Variants in FNDC7 observed in about 807,000 individuals in gnomAD.
FNDC7 encodes fibronectin type III domain containing 7, also known as fibronectin type III domain-containing protein 7.
Under a neutral mutation model 74.2 loss-of-function variants are expected in FNDC7, and 66 were observed. That is an observed-to-expected ratio of 0.89 (90% CI 0.73 to 1.09). The LOEUF (loss-of-function observed/expected upper bound fraction) is 1.09, where lower values mean the gene tolerates loss of function less well. FNDC7 is among the 50% of genes least tolerant of loss of function. FNDC7 has a pLI of 0.00. For synonymous variants in FNDC7, 307 were observed against 330.2 expected, an observed-to-expected ratio of 0.93 and a Z score of 0.76; for missense variants, 829 against 893.4, an observed-to-expected ratio of 0.93 and a Z score of 0.92.
chr1:108,727,043 C>T (rs115344109), intron 6 of FNDC7, among the ~76,000 whole-genome samples: 10 of 152,152 alleles, frequency 6.6e-5, no homozygotes, highest in African/African-American at 1.7e-4. Context: ...TACCTATATA[C>T]GGCCGGGCAC....
chr1:108,722,728 G>C, intron 5 of FNDC7, 136 bp downstream of exon 5: 2 of 1,014,332 alleles, frequency 2.0e-6, no homozygotes. Context: ...CATAGAGTTG[G>C]ACATTCTCAT....
At chr1:108,731,010 A>C in intron 9 of FNDC7, 82 bp downstream of exon 9, 1 of 1,407,198 alleles carries the variant, frequency 7.1e-7, no homozygotes. Context: ...CTCATTTAAA[A>C]AGATGCTGCA....
intron 4 of FNDC7, among the ~76,000 whole-genome samples, chr1:108,719,755 AG>A (rs1661057216): frequency 6.7e-6 from 1 of 149,178 alleles, no homozygotes; most frequent in Non-Finnish European, 1.5e-5. Flanking sequence ...TGAGAGAGAG[AG>A]AGAGAGAGAG....
intron 5 of FNDC7, among the ~76,000 whole-genome samples, chr1:108,724,989 G>A (rs925799102): frequency 2.6e-5 from 4 of 151,836 alleles, no homozygotes; most frequent in Non-Finnish European, 5.9e-5. Context: ...GTTGAGGCAA[G>A]GGAATCACTT....
chr1:108,733,395 T>C lies in FNDC7; in HGVS notation c.2003T>C (p.Phe668Ser). The C allele has an allele frequency of 1.2e-6, 2 of 1,614,206 alleles. No individual in the cohort carries two copies. Among genetic ancestry groups the C allele is most frequent in the Non-Finnish European group, 8.5e-7 (1 of 1,180,050 alleles). ...STDLYGSKGI[F>S]TCTPSAGLSF... is the part of the protein sequence containing the mutation. ...GACCTCTATGGCTCCAAAGGCATTT[T>C]CACGTGCACCCCGAGTGCTGGCCTC... Residue 668 changes from phenylalanine to serine, a missense_variant, in exon 10 of 13, where the codon TTC (phenylalanine) becomes TCC (serine). Physicochemically the swap from Phe to Ser is radical, Grantham distance 155. Transcript: ENST00000370017.
At chr1:108,717,703 T>G in intron 2 of FNDC7, 74 bp from the exon 3 acceptor site, 1 of 1,454,402 alleles carries the variant, frequency 6.9e-7, no homozygotes, top group Middle Eastern at 1.7e-4. Flanking sequence ...TGATTTAGCT[T>G]GAAGAGTAAA....
At chr1:108,734,648 A>G (rs1277018) in intron 10 of FNDC7, 33,306 of 152,108 alleles carry the variant, frequency 0.22, 3,921 homozygotes, top group African/African-American at 0.25. Flanking sequence ...GGCTGTTCTC[A>G]TTGTCCCTGG....
chr1:108,740,165 A>C (rs938173626), intron 11 of FNDC7, among the ~76,000 whole-genome samples: 1 of 151,930 alleles, frequency 6.6e-6, no homozygotes, highest in South Asian at 2.1e-4. Context: ...CAATTTCAGC[A>C]TTTCCCCTCC....
chr1:108,720,948 C>A (rs746806604), intron 4 of FNDC7, among the ~76,000 whole-genome samples: 2 of 152,208 alleles, frequency 1.3e-5, no homozygotes, highest in African/African-American at 2.4e-5. Context: ...GCTCTCACTA[C>A]TCTACCTATT....
chr1:108,713,355 T>C, intron 1 of FNDC7, 156 bp from the exon 2 acceptor site: 3 of 678,894 alleles, frequency 4.4e-6, no homozygotes, highest in Non-Finnish European at 7.6e-6. Context: ...TGCTGGGAAA[T>C]GATTTGTGTG....
At chr1:108,728,495 C>G in intron 7 of FNDC7, 137 bp from the exon 8 acceptor site, 1 of 921,864 alleles carries the variant, frequency 1.1e-6, no homozygotes, top group East Asian at 2.5e-5. Flanking sequence ...CGCATAGGCA[C>G]TATGAATTTG....
intron 2 of FNDC7, among the ~76,000 whole-genome samples, chr1:108,716,782 G>C (rs1660984902): frequency 6.6e-6 from 1 of 151,864 alleles, no homozygotes; most frequent in Non-Finnish European, 1.5e-5. Context: ...AGTTCTGCTT[G>C]TTTGTCTTCC....
At chr1:108,713,622 A>G (rs1660917423) in intron 2 of FNDC7, 93 bp downstream of exon 2, 1 of 1,146,310 alleles carries the variant, frequency 8.7e-7, no homozygotes, top group Non-Finnish European at 1.2e-6. Flanking sequence ...TAAAGGCTAT[A>G]TGAGAAAAAA....
intron 9 of FNDC7, among the ~76,000 whole-genome samples, chr1:108,731,563 A>G (rs1246632653): frequency 3.3e-5 from 5 of 152,236 alleles, no homozygotes; most frequent in Admixed American, 6.5e-5. Context: ...AAAAAGTACA[A>G]TGATAAGTTA....
chr1:108,737,600 C>T, intron 11 of FNDC7, 76 bp downstream of exon 11: 2 of 1,177,428 alleles, frequency 1.7e-6, no homozygotes, highest in Non-Finnish European at 2.4e-6. Context: ...AGTCAGCTGA[C>T]TTTTCAATTA....
At chr1:108,714,050 G>C (rs966042013) in intron 2 of FNDC7, among the ~76,000 whole-genome samples, 4 of 152,250 alleles carry the variant, frequency 2.6e-5, no homozygotes, top group Middle Eastern at 3.4e-3. Context: ...TTTAAAAATA[G>C]TTGATCTCCA....
rs531066667 is a variant in FNDC7, at chr1:108,713,613, A to G, written c.82+84A>G. 119 of 1,258,172 alleles carry G rather than the reference A, an allele frequency of 9.5e-5. No homozygotes were observed. The Middle Eastern group carries it at 1.0e-3, about 11-fold the overall frequency. 77.9% of individuals were successfully genotyped at this position (1,258,172 alleles called of 1,614,324 possible). ...TAATTCACGGGCTACCCTGAAATCT[A>G]AAGGCTATATGAGAAAAAAAAATTC... On this transcript the variant is annotated intron_variant, in intron 2 of 12. Coordinates refer to ENST00000370017, the MANE Select transcript of FNDC7 (RefSeq NM_001144937.3).
chr1:108,727,373 T>C (rs1487557576), intron 6 of FNDC7, among the ~76,000 whole-genome samples: 1 of 152,052 alleles, frequency 6.6e-6, no homozygotes, highest in Admixed American at 6.6e-5. Context: ...CTTATATAAC[T>C]GTGAGCCCTA....
At chr1:108,721,640 C>A (rs1184457000) in intron 4 of FNDC7, among the ~76,000 whole-genome samples, 1 of 152,118 alleles carries the variant, frequency 6.6e-6, no homozygotes, top group Admixed American at 6.5e-5. Flanking sequence ...GGCCAGGACA[C>A]CTTCTTACGC....
Sources: allele counts gnomAD v4.1 joint callset (sites outside exome capture counted in the v4.1 genomes callset), GRCh38; gene constraint gnomAD v4.1.1; transcripts MANE v1.5; gene names NCBI Gene and HGNC (gene_info 2026-07-23, HGNC 2026-07-21).